Variants in NCF2 observed in about 807,000 individuals in gnomAD.
NCF2 encodes the protein neutrophil cytosolic factor 2.
Under a neutral mutation model 70.9 loss-of-function variants are expected in NCF2, and 45 were observed. The observed-to-expected ratio is 0.63, with a 90% CI of 0.50 to 0.81. The LOEUF (loss-of-function observed/expected upper bound fraction) is 0.81. Among genes scored for constraint, NCF2 ranks in the 40% least tolerant of loss-of-function variants. The probability of loss-of-function intolerance (pLI) is 0.00; values close to 1 mark genes in which losing one functional copy is unlikely to be tolerated. For synonymous variants in NCF2, 203 were observed against 233.6 expected (o/e 0.87, Z 1.19); for missense variants, 522 against 631.6 (o/e 0.83, Z 1.86).
chr1:183,570,933 C>G lies in NCF2; in HGVS notation c.610-94G>C, dbSNP rs1672519286. 22 of 1,270,186 alleles carry G rather than the reference C, an allele frequency of 1.7e-5. No homozygotes were observed. In the South Asian group the frequency reaches 2.3e-4, roughly 13 times the overall value. The allele number at this position is 1,270,186 out of a possible 1,614,324, so 78.7% of individuals were successfully genotyped here. A position where few individuals can be genotyped will look rare whatever the true frequency, so the allele number is the denominator to read the frequency against. On this transcript the variant is annotated intron_variant, in intron 5 of 14. Transcript: ENST00000367535. ...TGCTCATGCCCTAGACCTGTTCTTA[C>G]GTGAGCCTGGTTTCAGACGTGGACA...
rs140028944 is a variant in NCF2, at chr1:183,570,788, G to A, written c.661C>T (p.Gln221Ter). 1 of 1,614,064 alleles carries A rather than the reference G, an allele frequency of 6.2e-7. No individual in the cohort carries two copies. The highest frequency in any genetic ancestry group is 8.5e-7 in the Non-Finnish European group (1 of 1,180,012). The part of the protein sequence containing the change: ...QDSFSGFAPL[Q>*]PQAAEPPPRP... ...GGTCAGGACTGCCTTACCTGTGGTTGCAGAGGGGCAAACCCAGAGAAACTG... is the reference window on the plus strand; with the variant it reads ...GGTCAGGACTGCCTTACCTGTGGTTACAGAGGGGCAAACCCAGAGAAACTG... Residue 221 changes from glutamine (Q) to a stop codon, truncating the protein, a stop_gained, in exon 6 of 15, where the codon CAA (glutamine) becomes TAA (stop). Coordinates refer to ENST00000367535, the MANE Select transcript of NCF2 (RefSeq NM_000433.4). LOFTEE classifies it high-confidence loss of function.
upstream of NCF2, among the ~76,000 whole-genome samples, chr1:183,592,256 T>A (rs1330178317): frequency 6.6e-6 from 1 of 152,228 alleles, no homozygotes; most frequent in Non-Finnish European, 1.5e-5. Context: ...AGAAGACATG[T>A]GTGTCTTTGT....
intron 2 of NCF2, among the ~76,000 whole-genome samples, chr1:183,578,691 C>T (rs956694565): frequency 1.3e-5 from 2 of 152,150 alleles, no homozygotes; most frequent in Non-Finnish European, 2.9e-5. Context: ...TAATGCTGCT[C>T]CCACTGCCTT....
chr1:183,577,523 C>A, intron 3 of NCF2, 76 bp downstream of exon 3: 1 of 1,190,448 alleles, frequency 8.4e-7, no homozygotes, highest in South Asian at 1.2e-5. Context: ...GTCAACAGAT[C>A]ACTGTGCATC....
chr1:183,584,266 T>C (rs1224707465), intron 2 of NCF2, among the ~76,000 whole-genome samples: 1 of 152,210 alleles, frequency 6.6e-6, no homozygotes, highest in Non-Finnish European at 1.5e-5. Context: ...CATTTTGCCA[T>C]TTAACAACCA....
intron 14 of NCF2, among the ~76,000 whole-genome samples, chr1:183,557,013 G>T (rs764663614): frequency 5.3e-5 from 8 of 152,178 alleles, no homozygotes; most frequent in Non-Finnish European, 1.0e-4. Context: ...GTACATGTTT[G>T]TTAAATATAA....
At chr1:183,562,997 C>G (rs1406620590) in intron 13 of NCF2, among the ~76,000 whole-genome samples, 198 bp downstream of exon 13, 2 of 152,130 alleles carry the variant, frequency 1.3e-5, no homozygotes, top group Non-Finnish European at 2.9e-5. Flanking sequence ...GCCTGCTGTT[C>G]TCTTGTGGGA....
rs1371062891 is a variant in NCF2 at position 183,563,994 on chromosome 1, A to G, written c.1026+11T>C. On this transcript the variant is annotated intron_variant, in intron 11 of 14. Coordinates refer to ENST00000367535, the MANE Select transcript of NCF2 (RefSeq NM_000433.4). Reference sequence around the variant, plus strand: ...TCTACCACTTGAAACAGTATGAGGGAAAAATGTTACCTTAGGCTCTTCTTT... The same window carrying G: ...TCTACCACTTGAAACAGTATGAGGGGAAAATGTTACCTTAGGCTCTTCTTT... 1.2e-6 allele frequency: 2 copies of G among 1,605,732 alleles called. No homozygotes were observed. The highest frequency in any genetic ancestry group is 1.3e-5 in the African/African-American group (1 of 74,862).
chr1:183,559,404 T>G (rs778842195), intron 14 of NCF2, among the ~76,000 whole-genome samples: 1 of 152,212 alleles, frequency 6.6e-6, no homozygotes, highest in Non-Finnish European at 1.5e-5. Context: ...TAAGGCAAAA[T>G]TTACCTACTT....
At chr1:183,599,739 G>T in the NCF2 span, among the ~76,000 whole-genome samples, 2 of 151,956 alleles carry the variant, frequency 1.3e-5, no homozygotes, top group Non-Finnish European at 2.9e-5. Context: ...TTTTAGTAGA[G>T]ACAGGGCTTC....
chr1:183,562,927 C>A (rs1471317561), intron 13 of NCF2, among the ~76,000 whole-genome samples: 1 of 152,018 alleles, frequency 6.6e-6, no homozygotes, highest in African/African-American at 2.4e-5. Context: ...ATGTTTGACA[C>A]AGTCAGGCAG....
At chr1:183,590,624 T>C, upstream of NCF2, 1 of 453,782 alleles carries the variant, frequency 2.2e-6, no homozygotes, top group Non-Finnish European at 4.1e-6. Context: ...AGGAAGTACA[T>C]CAGCTGCTGC....
intron 8 of NCF2, 41 bp from the exon 9 acceptor site, chr1:183,567,029 G>T (rs1264818933): frequency 2.5e-6 from 4 of 1,613,240 alleles, no homozygotes; most frequent in Non-Finnish European, 3.4e-6. Flanking sequence ...AAAAAATAAA[G>T]ATGTGCTCAT....
chr1:183,563,556 G>A lies in NCF2; in HGVS notation c.1056C>T (p.Tyr352=). Residue 352 remains tyrosine (Y), a synonymous_variant, in exon 12 of 15, where the codon TAC becomes TAT. Coordinates refer to ENST00000367535, the MANE Select transcript of NCF2 (RefSeq NM_000433.4). ...KEVKLSVPMP[Y]TLKVHYKYTV... The stretch of plus-strand genomic sequence containing the variant: ...TGTACTTGTAGTGCACCTTGAGTGT[G>A]TAGGGCATGGGAACACTGAGCTTCA... The A allele has an allele frequency of 6.2e-7, 1 of 1,613,924 alleles. No homozygotes were observed. Among genetic ancestry groups the A allele is most frequent in the Non-Finnish European group, 8.5e-7 (1 of 1,180,034 alleles).
chr1:183,567,415 T>C (rs1243239536), intron 7 of NCF2, 70 bp from the exon 8 acceptor site: 4 of 1,604,498 alleles, frequency 2.5e-6, no homozygotes, highest in South Asian at 1.1e-5. Flanking sequence ...TACACTGAAC[T>C]TGGAGCCAGG....
At chr1:183,601,768 G>C in the NCF2 span, among the ~76,000 whole-genome samples, 2 of 151,154 alleles carry the variant, frequency 1.3e-5, no homozygotes, top group African/African-American at 4.9e-5. Context: ...TGAGGCAGAA[G>C]AATGGCGTGA....
rs745334269 is a variant in NCF2 at position 183,563,201 on chromosome 1, G to A, written c.1284C>T (p.Asn428=). ...KNYCLTLWCE[N]TVGDQGFPDE... ...TGCCCCTCATTGCACTCACCACTGT[G>A]TTCTCACACCACAGAGTCAGGCAGT... The change falls in exon 13 of 15, where the codon AAC becomes AAT. Residue 428 remains asparagine, a synonymous_variant. Coordinates refer to ENST00000367535, the MANE Select transcript of NCF2 (RefSeq NM_000433.4). The A allele has an allele frequency of 3.1e-6, 5 of 1,613,962 alleles. No individual in the cohort carries two copies. The highest frequency in any genetic ancestry group is 2.2e-5 in the East Asian group (1 of 44,892).
upstream of NCF2, among the ~76,000 whole-genome samples, chr1:183,594,254 A>G (rs1673733517): frequency 6.6e-6 from 1 of 151,756 alleles, no homozygotes; most frequent in African/African-American, 2.4e-5. Context: ...GAAAAACACT[A>G]AAAATTAGCC....
At chr1:183,557,901 A>G (rs1277946387) in intron 14 of NCF2, among the ~76,000 whole-genome samples, 1 of 151,904 alleles carries the variant, frequency 6.6e-6, no homozygotes, top group Non-Finnish European at 1.5e-5. Flanking sequence ...TTGAGACAGA[A>G]TCTCACTCTG....
Sources: gnomAD v4.1 joint callset for allele counts (sites outside exome capture counted in the v4.1 genomes callset) on GRCh38, gnomAD v4.1.1 for gene constraint, MANE v1.5 for transcripts, NCBI Gene and HGNC (gene_info 2026-07-23, HGNC 2026-07-21) for gene names.